The following METAP1D variants were observed in gnomAD, a reference collection of about 807,000 sequenced individuals.
METAP1D encodes methionine aminopeptidase 1D, mitochondrial.
Under a neutral mutation model 40.5 loss-of-function variants are expected in METAP1D, and 31 were observed. The observed-to-expected ratio is 0.77, with a 90% CI of 0.58 to 1.03. The LOEUF is 1.03. METAP1D is among the 50% of genes least tolerant of loss of function. The probability of loss-of-function intolerance (pLI) is 0.00; values close to 1 mark genes in which losing one functional copy is unlikely to be tolerated. For synonymous variants in METAP1D, 151 were observed against 146.4 expected, an observed-to-expected ratio of 1.03 and a Z score of -0.22; for missense variants, 411 against 420.7, an observed-to-expected ratio of 0.98 and a Z score of 0.20.
chr2:172,008,490 A>G (rs1013114616), intron 1 of METAP1D, among the ~76,000 whole-genome samples: 1 of 152,178 alleles, frequency 6.6e-6, no homozygotes, highest in African/African-American at 2.4e-5. Context: ...CAATGGGGGT[A>G]TGTTCCCAGA....
At chr2:172,077,215 C>T (rs537309511) in intron 6 of METAP1D, among the ~76,000 whole-genome samples, 9 of 152,250 alleles carry the variant, frequency 5.9e-5, no homozygotes, top group Admixed American at 2.0e-4. Flanking sequence ...AATGATCTCA[C>T]GGTTTTGGAG....
intron 1 of METAP1D, among the ~76,000 whole-genome samples, chr2:172,015,848 G>C (rs754215043): frequency 7.2e-5 from 11 of 151,952 alleles, no homozygotes; most frequent in Non-Finnish European, 1.3e-4. Context: ...GTAGCTACTC[G>C]GGAGGCTGAG....
At chr2:172,079,503 G>A (rs907699029) in intron 8 of METAP1D, among the ~76,000 whole-genome samples, 8 of 152,218 alleles carry the variant, frequency 5.3e-5, no homozygotes, top group Admixed American at 1.3e-4. Context: ...AGCATAATGT[G>A]GTGTTGGGTT....
chr2:172,000,654 A>G (rs1688439171), intron 1 of METAP1D, among the ~76,000 whole-genome samples: 1 of 152,144 alleles, frequency 6.6e-6, no homozygotes, highest in Admixed American at 6.5e-5. Context: ...GAAGAGGAAA[A>G]CTATCATATT....
chr2:172,063,747 G>T lies in METAP1D; in HGVS notation c.235G>T (p.Val79Leu). ...KKPDYVTTGI[V>L]PDWGDSIEVK... ...GCCAGACTATGTGACGACAGGCATT[G>T]TACCAGACTGGGGAGACAGCATAGA... is the stretch of plus-strand genomic sequence containing the variant. The change falls in exon 3 of 10, where the codon GTA (valine) becomes TTA (leucine). Residue 79 changes from valine to leucine, a missense_variant. Coordinates refer to ENST00000315796, the MANE Select transcript of METAP1D (RefSeq NM_199227.3). 1 of 1,614,046 alleles carries T rather than the reference G, an allele frequency of 6.2e-7. No individual in the cohort carries two copies. The highest frequency in any genetic ancestry group is 8.5e-7 in the Non-Finnish European group (1 of 1,179,978).
intron 1 of METAP1D, among the ~76,000 whole-genome samples, chr2:172,019,277 C>A (rs1266850572): frequency 6.6e-6 from 1 of 151,800 alleles, no homozygotes; most frequent in East Asian, 1.9e-4. Flanking sequence ...ACTTGAGCTG[C>A]CACTGCATTG....
At chr2:172,040,132 A>G (rs1322948910) in intron 1 of METAP1D, among the ~76,000 whole-genome samples, 1 of 147,884 alleles carries the variant, frequency 6.8e-6, no homozygotes, top group East Asian at 2.0e-4. Context: ...TAATTTTTGT[A>G]TTTTCAGTAG....
chr2:172,045,558 G>A (rs1362250002), intron 1 of METAP1D, among the ~76,000 whole-genome samples: 3 of 149,428 alleles, frequency 2.0e-5, no homozygotes, highest in African/African-American at 7.4e-5. Context: ...CTACTCGGTA[G>A]GCTGAGGCAG....
intron 1 of METAP1D, among the ~76,000 whole-genome samples, chr2:172,017,365 ATATATATGTGTATATATATG>A (rs1199518906): frequency 2.6e-4 from 39 of 147,618 alleles, no homozygotes; most frequent in Middle Eastern, 3.6e-3. Context: ...GTATATATGT[ATATATATGTGTATATATATG>A]TATATATGTG....
intron 1 of METAP1D, among the ~76,000 whole-genome samples, chr2:172,034,500 G>A (rs1403627395): frequency 6.6e-6 from 1 of 151,810 alleles, no homozygotes; most frequent in Admixed American, 6.6e-5. Flanking sequence ...CACCTGGTCC[G>A]GGTTGTTGTG....
chr2:172,062,479 A>G (rs1453574121), intron 2 of METAP1D, among the ~76,000 whole-genome samples: 1 of 152,242 alleles, frequency 6.6e-6, no homozygotes. Context: ...AGAAGAAAAG[A>G]AAAAGAAATC....
intron 1 of METAP1D, among the ~76,000 whole-genome samples, chr2:172,052,627 A>T (rs972404676): frequency 2.6e-5 from 4 of 152,236 alleles, no homozygotes; most frequent in African/African-American, 9.6e-5. Flanking sequence ...GGAGAAGCCC[A>T]TAGCTAAAAA....
intron 1 of METAP1D, among the ~76,000 whole-genome samples, chr2:172,040,382 G>A (rs768471898): frequency 3.3e-5 from 5 of 152,082 alleles, no homozygotes; most frequent in East Asian, 3.9e-4. Flanking sequence ...TAAAAAGTCC[G>A]TTTTTTTCTG....
chr2:172,070,209 T>C (rs1690390630), intron 5 of METAP1D, among the ~76,000 whole-genome samples: 1 of 152,212 alleles, frequency 6.6e-6, no homozygotes, highest in Admixed American at 6.5e-5. Context: ...AATTATACTT[T>C]CTGTAATTGT....
intron 1 of METAP1D, among the ~76,000 whole-genome samples, chr2:172,011,361 T>C (rs1379595038): frequency 6.6e-6 from 1 of 150,766 alleles, no homozygotes; most frequent in African/African-American, 2.4e-5. Flanking sequence ...CTCGGCTCAC[T>C]GCAAGCTCCG....
In METAP1D at chr2:172,063,802, T is replaced by A. The variant is rs145647145; in HGVS notation, c.290T>A (p.Leu97His). The change falls in exon 3 of 10, where the codon CTT (leucine) becomes CAT (histidine). Residue 97 changes from leucine to histidine, a missense_variant. Transcript: ENST00000315796. ...AAGAATGAAGATCAGATTCAAGGGC[T>A]TCATCAGGCTTGTCAGCTGGCCCGC... is the stretch of plus-strand genomic sequence containing the variant. Reference protein sequence around the residue: ...EVKNEDQIQGLHQACQLARHV... With the variant: ...EVKNEDQIQGHHQACQLARHV... The A allele has an allele frequency of 1.9e-6, 3 of 1,613,900 alleles. No homozygotes were observed. The highest frequency in any genetic ancestry group is 1.7e-6 in the Non-Finnish European group (2 of 1,179,980).
intron 1 of METAP1D, among the ~76,000 whole-genome samples, chr2:172,052,531 G>C (rs898395905): frequency 1.3e-5 from 2 of 152,206 alleles, no homozygotes; most frequent in Non-Finnish European, 2.9e-5. Context: ...GGCAGCCAGA[G>C]CAGTTAACCC....
Position 172,079,254 on chromosome 2 carries a change from TCA to T in METAP1D, c.844_845del (p.Thr282TyrfsTer11), listed in dbSNP as rs1268196662. 3.7e-6 allele frequency: 6 copies of T among 1,614,186 alleles called. No homozygotes were observed. The South Asian group carries it at 6.6e-5, about 18-fold the overall frequency. On this transcript the variant is annotated frameshift_variant, in exon 8 of 10. Coordinates refer to ENST00000315796, the MANE Select transcript of METAP1D (RefSeq NM_199227.3). LOFTEE classifies it high-confidence loss of function. Reference sequence around the variant, plus strand: ...CTACCCATGGAGGAGGGCATGGCATTCACTATAGGTAAATTGAGCTCCTCTTC... The same window carrying T: ...CTACCCATGGAGGAGGGCATGGCATTCTATAGGTAAATTGAGCTCCTCTTC...
chr2:172,053,845 T>C (rs1473873315), intron 1 of METAP1D, among the ~76,000 whole-genome samples: 2 of 152,216 alleles, frequency 1.3e-5, no homozygotes, highest in Non-Finnish European at 2.9e-5. Context: ...GATGGCACAC[T>C]GCAGGGTGAA....
Sources: gnomAD v4.1 joint callset for allele counts (sites outside exome capture counted in the v4.1 genomes callset) on GRCh38, gnomAD v4.1.1 for gene constraint, MANE v1.5 for transcripts, NCBI Gene and HGNC (gene_info 2026-07-23, HGNC 2026-07-21) for gene names.